The following KDM1A variants were observed in gnomAD, a reference collection of about 807,000 sequenced individuals.
KDM1A encodes the protein lysine demethylase 1A, also known as lysine-specific histone demethylase 1A.
Under a neutral mutation model 109.4 loss-of-function variants are expected in KDM1A, and 49 were observed. The ratio of observed to expected loss-of-function variants is 0.45; its 90% CI spans 0.36 to 0.57. The LOEUF is 0.57. Among genes scored for constraint, KDM1A ranks in the 20% least tolerant of loss-of-function variants. KDM1A has a pLI of 0.00. For missense variants in KDM1A, 668 were observed against 1,116.6 expected (o/e 0.60, Z 5.73); for synonymous variants, 380 against 415.4 (o/e 0.91, Z 1.04).
rs991045213 is a variant in KDM1A, at chr1:23,083,648, T to G, written c.*284T>G. On this transcript the variant is annotated 3_prime_UTR_variant, in exon 21 of 21. Coordinates refer to ENST00000400181, the MANE Select transcript of KDM1A (RefSeq NM_001009999.3). ...AGTCCCTTGGTGTGTGGGGTTTTTG[T>G]TTTTTTTTTATATTTTGAGAATAAA... 2.2e-5 allele frequency: 5 copies of G among 231,276 alleles called. No homozygotes were observed. Among genetic ancestry groups the G allele is most frequent in the Middle Eastern group, 1.3e-3 (1 of 790 alleles). The allele number at this position is 231,276 out of a possible 1,614,324, so 14.3% of individuals were successfully genotyped here.
intron 12 of KDM1A, among the ~76,000 whole-genome samples, chr1:23,069,445 G>A (rs1312328528): frequency 6.6e-6 from 1 of 152,144 alleles, no homozygotes. Flanking sequence ...ATTGGAAGAA[G>A]AAGAATTGTC....
chr1:23,078,452 C>T (rs910079418), intron 16 of KDM1A, among the ~76,000 whole-genome samples: 9 of 152,102 alleles, frequency 5.9e-5, no homozygotes, highest in African/African-American at 1.9e-4. Flanking sequence ...TTTCAGTACC[C>T]TCTCTGAGGT....
chr1:23,070,892 G>A (rs1643299314), intron 12 of KDM1A, among the ~76,000 whole-genome samples: 1 of 151,898 alleles, frequency 6.6e-6, no homozygotes, highest in Admixed American at 6.6e-5. Flanking sequence ...TCCTTTTTGT[G>A]GAGATTAAAT....
chr1:23,049,512 C>T (rs1471894942), intron 3 of KDM1A, among the ~76,000 whole-genome samples: 6 of 151,464 alleles, frequency 4.0e-5, no homozygotes, highest in Non-Finnish European at 7.4e-5. Context: ...GGTGAAGCCC[C>T]GTCTCTACTA....
rs768065301 is a variant in KDM1A at position 23,078,981 on chromosome 1, C to A, written c.1868-9C>A. On this transcript the variant is annotated splice_polypyrimidine_tract_variant and intron_variant, in intron 16 of 20. Transcript: ENST00000400181. ...TCACCACTAGTCTTTTCCCACCCAA[C>A]CTCTGCAGGATGTGAAGTGATAGCT... The A allele has an allele frequency of 2.5e-6, 4 of 1,610,498 alleles. No homozygotes were observed. The highest frequency in any genetic ancestry group is 1.1e-5 in the South Asian group (1 of 90,678).
chr1:23,081,329 A>G, intron 18 of KDM1A, 117 bp from the exon 19 acceptor site: 1 of 1,144,144 alleles, frequency 8.7e-7, no homozygotes, highest in South Asian at 1.4e-5. Context: ...TTTGAATGGT[A>G]CTGCGTGTGT....
chr1:23,042,436 TATTA>T (rs1173480541), intron 2 of KDM1A, among the ~76,000 whole-genome samples: 12 of 41,038 alleles, frequency 2.9e-4, no homozygotes, highest in African/African-American at 1.4e-3. Context: ...CTATGAAATA[TATTA>T]TTTTTTTTTT....
chr1:23,043,981 GAGA>G (rs1642429776), intron 2 of KDM1A, among the ~76,000 whole-genome samples: 1 of 152,214 alleles, frequency 6.6e-6, no homozygotes, highest in Non-Finnish European at 1.5e-5. Context: ...TTGCTTTGAA[GAGA>G]AGGAGATAAT....
At chr1:23,068,435 GAGAT>G in intron 10 of KDM1A, 100 bp from the exon 11 acceptor site, 1 of 891,032 alleles carries the variant, frequency 1.1e-6, no homozygotes, top group Middle Eastern at 2.3e-4. Context: ...TTTCCCCTTT[GAGAT>G]ACATATTTTG....
intron 15 of KDM1A, among the ~76,000 whole-genome samples, chr1:23,074,543 T>A (rs1178539329): frequency 6.6e-6 from 1 of 152,164 alleles, no homozygotes; most frequent in African/African-American, 2.4e-5. Context: ...GCTCAAGTGA[T>A]CTTCCTGCCT....
Position 23,079,575 on chromosome 1 carries a change from T to TG in KDM1A, c.2079dup (p.Phe694ValfsTer21). On this transcript the variant is annotated frameshift_variant, in exon 18 of 21. Transcript: ENST00000400181. LOFTEE classifies it high-confidence loss of function. The surrounding 1 kb of genome is among the most constrained non-coding windows in gnomAD (Gnocchi z 5.6). ...TAGGTGGTGTTGTGTTTTGATCGGG[T>TG]GTTCTGGGATCCAAGTGTCAATTTG... is the stretch of plus-strand genomic sequence containing the variant. 1 of 1,613,846 alleles carries TG rather than the reference T, an allele frequency of 6.2e-7. No individual in the cohort carries two copies. Among genetic ancestry groups the TG allele is most frequent in the Non-Finnish European group, 8.5e-7 (1 of 1,179,894 alleles).
intron 2 of KDM1A, among the ~76,000 whole-genome samples, chr1:23,035,139 CTATTA>C (rs1368101245): frequency 1.7e-4 from 26 of 152,156 alleles, no homozygotes; most frequent in Non-Finnish European, 1.8e-4. Context: ...GCCCTCTTCT[CTATTA>C]TATGTGGTAA....
At chr1:23,054,256 A>G (rs1480543691) in intron 5 of KDM1A, among the ~76,000 whole-genome samples, 1 of 152,126 alleles carries the variant, frequency 6.6e-6, no homozygotes, top group Admixed American at 6.6e-5. Context: ...GTGGAATGAA[A>G]TTCTTAAAAA....
chr1:23,037,121 A>AAT lies in KDM1A; in HGVS notation c.517+6495_517+6496dup, dbSNP rs199672006. ...GTGAAACCCCATCTCCACTAAAAAA[A>AAT]ATATATATACACACACACACACACA... On this transcript the variant is annotated intron_variant, in intron 2 of 20. Transcript: ENST00000400181. Among the ~76,000 whole-genome samples the AAT allele has an allele frequency of 6.3e-3, 824 of 130,386 alleles. 39 individuals carry two copies. Among genetic ancestry groups the AAT allele is most frequent in the Admixed American group, 0.053 (706 of 13,404 alleles). 85.5% of individuals were successfully genotyped at this position (130,386 alleles called of 152,430 possible).
At chr1:23,062,253 C>T (rs1643022002) in intron 9 of KDM1A, among the ~76,000 whole-genome samples, 1 of 152,112 alleles carries the variant, frequency 6.6e-6, no homozygotes, top group Non-Finnish European at 1.5e-5. Context: ...AGTGTATGCA[C>T]CTCTTTCTAA....
chr1:23,045,075 C>T (rs1458874872), intron 3 of KDM1A, among the ~76,000 whole-genome samples: 2 of 152,118 alleles, frequency 1.3e-5, no homozygotes, highest in East Asian at 1.9e-4. Flanking sequence ...TCAGACCAAA[C>T]AGTATGAGAT....
intron 2 of KDM1A, 161 bp from the exon 3 acceptor site, chr1:23,044,266 A>C (rs756243748): frequency 1.6e-6 from 1 of 626,100 alleles, no homozygotes; most frequent in Non-Finnish European, 2.8e-6. Context: ...GAAGACTATG[A>C]TGTAATTCCC....
At chr1:23,055,279 A>C in intron 6 of KDM1A, 118 bp downstream of exon 6, 1 of 409,958 alleles carries the variant, frequency 2.4e-6, no homozygotes, top group Non-Finnish European at 4.1e-6. Flanking sequence ...TATATTTAAA[A>C]ATATTTCCAA....
chr1:23,080,603 G>A (rs1459841046), intron 18 of KDM1A, among the ~76,000 whole-genome samples: 1 of 152,180 alleles, frequency 6.6e-6, no homozygotes, highest in East Asian at 1.9e-4. Flanking sequence ...TCCATCCCCA[G>A]ATTCCAGGCA....
Sources: gnomAD v4.1 joint callset for allele counts (sites outside exome capture counted in the v4.1 genomes callset) on GRCh38, gnomAD v4.1.1 for gene constraint, Gnocchi (gnomAD v3.1) non-coding constraint, MANE v1.5 for transcripts, NCBI Gene and HGNC (gene_info 2026-07-23, HGNC 2026-07-21) for gene names.